The following ZNF618 variants were observed in gnomAD, a reference collection of about 807,000 sequenced individuals.
ZNF618 encodes neural precursor cell expressed, developmentally down-regulated 10.
A neutral mutation model predicts 103.0 loss-of-function variants in ZNF618; 34 were observed. The observed-to-expected ratio is 0.33, with a 90% CI of 0.25 to 0.44. The LOEUF (loss-of-function observed/expected upper bound fraction) is 0.44, where lower values mean the gene tolerates loss of function less well. ZNF618 is among the 20% of genes least tolerant of loss of function. ZNF618 has a pLI of 1.00. For synonymous variants in ZNF618, 551 were observed against 542.2 expected, an observed-to-expected ratio of 1.02 and a Z score of -0.23; for missense variants, 1,059 against 1,295.4, an observed-to-expected ratio of 0.82 and a Z score of 2.80.
chr9:113,995,347 T>C (rs1840468858), intron 3 of ZNF618, among the ~76,000 whole-genome samples: 1 of 152,086 alleles, frequency 6.6e-6, no homozygotes, highest in African/African-American at 2.4e-5. Flanking sequence ...AAAACAAATT[T>C]AGGTAAATAG....
chr9:113,981,414 C>T (rs1320326375), intron 2 of ZNF618, among the ~76,000 whole-genome samples: 1 of 152,146 alleles, frequency 6.6e-6, no homozygotes, highest in Non-Finnish European at 1.5e-5. Flanking sequence ...TGTCTCTGAT[C>T]CCTGCTCACT....
At chr9:114,029,851 A>C (rs1321621969) in intron 11 of ZNF618, among the ~76,000 whole-genome samples, 1 of 152,180 alleles carries the variant, frequency 6.6e-6, no homozygotes, top group Non-Finnish European at 1.5e-5. Flanking sequence ...CAGACAATAA[A>C]AAGTTCCGAG....
At chr9:114,024,265 C>G (rs540012774) in intron 10 of ZNF618, among the ~76,000 whole-genome samples, 45 of 152,244 alleles carry the variant, frequency 3.0e-4, no homozygotes, top group Non-Finnish European at 6.2e-4. Context: ...TATTTTTCAT[C>G]TAAGTTTCAT....
At chr9:114,021,346 C>A (rs1027550452) in intron 10 of ZNF618, among the ~76,000 whole-genome samples, 1 of 152,022 alleles carries the variant, frequency 6.6e-6, no homozygotes, top group Non-Finnish European at 1.5e-5. Context: ...ACTTAACGAT[C>A]CAAGGTTAGT....
At chr9:114,032,067 C>G (rs991706911) in intron 11 of ZNF618, among the ~76,000 whole-genome samples, 3 of 152,206 alleles carry the variant, frequency 2.0e-5, no homozygotes, top group Non-Finnish European at 2.9e-5. Flanking sequence ...GGAACCCATC[C>G]CTTCCGCTGG....
intron 1 of ZNF618, among the ~76,000 whole-genome samples, chr9:113,880,805 A>G (rs936758960): frequency 3.3e-5 from 5 of 152,218 alleles, no homozygotes; most frequent in Admixed American, 2.6e-4. Flanking sequence ...GTCACGGCCA[A>G]AAGAGTTTGA....
intron 12 of ZNF618, chr9:114,035,258 G>A: frequency 1.0e-6 from 1 of 986,014 alleles, no homozygotes; most frequent in Non-Finnish European, 1.2e-6. Flanking sequence ...CCCGTTGGGG[G>A]GCTGGAGAGG....
chr9:113,899,240 C>T (rs1830304070), intron 1 of ZNF618, among the ~76,000 whole-genome samples: 1 of 152,014 alleles, frequency 6.6e-6, no homozygotes, highest in Non-Finnish European at 1.5e-5. Flanking sequence ...CTACCAATCT[C>T]CAGAACTCTT....
chr9:114,035,057 G>A lies in ZNF618; in HGVS notation c.1169-1243G>A, dbSNP rs541225577. On this transcript the variant is annotated intron_variant, in intron 12 of 14. Coordinates refer to ENST00000374126, the MANE Select transcript of ZNF618 (RefSeq NM_001318042.2). The stretch of plus-strand genomic sequence containing the variant: ...TCCCTGCAACCCCACCCCAGATTGT[G>A]AGCCTTCCTCTCGGATGCTCCCCAC... The A allele has an allele frequency of 1.9e-5, 10 of 539,394 alleles. No individual in the cohort carries two copies. The South Asian group carries it at 7.2e-4, about 39-fold the overall frequency. 33.4% of individuals were successfully genotyped at this position (539,394 alleles called of 1,614,324 possible).
At position 113,876,341 on chromosome 9, in the gene ZNF618, G is replaced by A. The variant is rs2130668928; in HGVS notation, c.-40G>A. 8.5e-7 allele frequency: 1 copy of A among 1,174,596 alleles called. No individual in the cohort carries two copies. The highest frequency in any genetic ancestry group is 1.0e-6 in the Non-Finnish European group (1 of 955,662). 72.8% of individuals were successfully genotyped at this position (1,174,596 alleles called of 1,614,324 possible). ...GCGCACCAGCAGCCCGGCCCGGGAG[G>A]AGCAGGACGCGCCGGGGCCGCCTCC... On this transcript the variant is annotated 5_prime_UTR_variant, in exon 1 of 15. Transcript: ENST00000374126.
At position 114,048,814 on chromosome 9, in the gene ZNF618, C is replaced by A. The variant is rs1186099540; in HGVS notation, c.1512C>A (p.Ala504=). 1.9e-6 allele frequency: 3 copies of A among 1,613,504 alleles called. No homozygotes were observed. Among genetic ancestry groups the A allele is most frequent in the Non-Finnish European group, 2.5e-6 (3 of 1,179,704 alleles). The part of the protein sequence containing the change: ...KLAQTLVDSG[A]RYGAFSVTEI... ...CCCAGACCTTAGTAGACAGTGGTGC[C>A]CGCTATGGGGCCTTCTCGGTCACTG... Residue 504 remains alanine, a synonymous_variant, in exon 15 of 15, where the codon GCC becomes GCA. Transcript: ENST00000374126.
At chr9:114,010,510 T>C (rs1436559108) in intron 9 of ZNF618, among the ~76,000 whole-genome samples, 1 of 151,592 alleles carries the variant, frequency 6.6e-6, no homozygotes, top group African/African-American at 2.4e-5. Flanking sequence ...ATTGAGACCA[T>C]CCTGGCCAAC....
At chr9:113,884,008 G>A (rs906936033) in intron 1 of ZNF618, among the ~76,000 whole-genome samples, 7 of 16,390 alleles carry the variant, frequency 4.3e-4, no homozygotes, top group Admixed American at 3.8e-3. Context: ...CCCCCGCCCT[G>A]TACAGTGAAG....
At chr9:113,907,488 C>A (rs984627550) in intron 1 of ZNF618, among the ~76,000 whole-genome samples, 2 of 152,210 alleles carry the variant, frequency 1.3e-5, no homozygotes, top group African/African-American at 4.8e-5. Context: ...CCACCCCGGG[C>A]AGGGACTTTC....
chr9:114,002,594 AC>A (rs1194407093), intron 5 of ZNF618, 29 bp from the exon 6 acceptor site: 5 of 1,593,096 alleles, frequency 3.1e-6, no homozygotes, highest in Non-Finnish European at 2.6e-6. Context: ...CGGTAGCCCC[AC>A]CCCCATCCCT....
At chr9:114,016,107 C>T in intron 9 of ZNF618, 1 of 1,602,880 alleles carries the variant, frequency 6.2e-7, no homozygotes, top group Non-Finnish European at 8.5e-7. Flanking sequence ...TATAATTTTC[C>T]CCCAGTGAAC....
At chr9:113,988,699 C>T (rs1839728808) in intron 3 of ZNF618, 119 bp downstream of exon 3, 9 of 1,386,022 alleles carry the variant, frequency 6.5e-6, no homozygotes, top group Non-Finnish European at 7.7e-6. Flanking sequence ...CCTTTGCTGG[C>T]TTCCCTCTGC....
Position 114,028,966 on chromosome 9 carries a change from A to G in ZNF618, c.1078A>G (p.Thr360Ala), listed in dbSNP as rs1843756943. Residue 360 changes from threonine (T) to alanine (A), a missense_variant, in exon 11 of 15, where the codon ACC (threonine) becomes GCC (alanine). By Grantham distance (58) the Thr-to-Ala change is moderately conservative. Around this residue, in one of 6 missense-constraint regions of ZNF618, gnomAD observed 434 missense variants for 476.0 expected, o/e 0.91. Transcript: ENST00000374126. Reference sequence around the variant, plus strand: ...TTCGGGATCTCCGGCGAGCAAGGCAACCGCAGGTACCAATGGCCTATGTGA... The same window carrying G: ...TTCGGGATCTCCGGCGAGCAAGGCAGCCGCAGGTACCAATGGCCTATGTGA... The part of the protein sequence containing the change: ...PNSGSPASKA[T>A]AAESAFSRRV... 1.3e-6 allele frequency: 2 copies of G among 1,550,106 alleles called. No homozygotes were observed. The highest frequency in any genetic ancestry group is 1.7e-6 in the Non-Finnish European group (2 of 1,146,954).
At chr9:114,045,616 T>G (rs891479948) in intron 13 of ZNF618, among the ~76,000 whole-genome samples, 1 of 152,096 alleles carries the variant, frequency 6.6e-6, no homozygotes, top group African/African-American at 2.4e-5. Context: ...TCTTAATTAC[T>G]ATAGCTTTGT....
Sources: allele counts gnomAD v4.1 joint callset (sites outside exome capture counted in the v4.1 genomes callset), GRCh38; gene constraint gnomAD v4.1.1; regional missense constraint gnomAD v4.1.1; transcripts MANE v1.5; gene names NCBI Gene and HGNC (gene_info 2026-07-23, HGNC 2026-07-21).